The following RIMS2 variants were observed in gnomAD, a reference collection of about 807,000 sequenced individuals.
RIMS2 encodes the protein regulating synaptic membrane exocytosis 2, also known as regulating synaptic membrane exocytosis protein 2.
RIMS2 carries 59 observed loss-of-function variants against 174.4 expected under a neutral mutation model. The ratio of observed to expected loss-of-function variants is 0.34; its 90% confidence interval spans 0.27 to 0.42. The LOEUF is 0.42. Among genes scored for constraint, RIMS2 ranks in the 10% least tolerant of loss-of-function variants. RIMS2 has a pLI of 1.00. For synonymous variants in RIMS2, 606 were observed against 572.5 expected (o/e 1.06, Z -0.84); for missense variants, 1,620 against 1,666.3 (o/e 0.97, Z 0.48).
At chr8:103,824,387 A>G (rs1414019377) in intron 3 of RIMS2, among the ~76,000 whole-genome samples, 1 of 152,180 alleles carries the variant, frequency 6.6e-6, no homozygotes, top group Non-Finnish European at 1.5e-5. Context: ...CTATCCATGT[A>G]TGAATTACTC....
chr8:104,201,743 G>A (rs1381270575), intron 19 of RIMS2, among the ~76,000 whole-genome samples: 1 of 152,074 alleles, frequency 6.6e-6, no homozygotes, highest in East Asian at 1.9e-4. Flanking sequence ...TTTCTTTGGT[G>A]ATTTGAACGA....
chr8:104,164,181 G>T (rs1041172257), intron 19 of RIMS2, among the ~76,000 whole-genome samples: 2 of 42,426 alleles, frequency 4.7e-5, no homozygotes, highest in South Asian at 2.4e-3. Flanking sequence ...TTTTATCCTG[G>T]AATTATCTTT....
intron 15 of RIMS2, among the ~76,000 whole-genome samples, chr8:103,962,467 T>C (rs1296928238): frequency 2.0e-5 from 3 of 152,232 alleles, no homozygotes; most frequent in Admixed American, 6.5e-5. Flanking sequence ...ATTGTTCTTA[T>C]TATTTTGCCA....
chr8:103,600,437 T>G (rs1012250925), intron 1 of RIMS2, among the ~76,000 whole-genome samples: 1 of 152,006 alleles, frequency 6.6e-6, no homozygotes, highest in Non-Finnish European at 1.5e-5. Context: ...GCCTCGCTAA[T>G]TTTTTGTATT....
Position 103,901,355 on chromosome 8 carries a change from C to T in RIMS2, c.1625-8779C>T, listed in dbSNP as rs79817551. ...ACATGCAGCTAAGATGTCCCCATTC[C>T]ATGCCTCAGGTTTCCCTACTTTCAG... On this transcript the variant is annotated intron_variant, in intron 4 of 23. Transcript: ENST00000504942. Among the ~76,000 whole-genome samples, 11 of 152,212 alleles carry T rather than the reference C, an allele frequency of 7.2e-5. 1 individual carries two copies. The East Asian group carries it at 2.1e-3, about 29-fold the overall frequency.
chr8:103,989,962 G>T (rs1300436768), intron 17 of RIMS2, among the ~76,000 whole-genome samples: 4 of 152,194 alleles, frequency 2.6e-5, no homozygotes, highest in African/African-American at 9.6e-5. Flanking sequence ...GCTGTATTTG[G>T]AAGAGCTCTC....
At chr8:103,711,535 G>T (rs1212935109) in intron 2 of RIMS2, among the ~76,000 whole-genome samples, 6 of 152,150 alleles carry the variant, frequency 3.9e-5, no homozygotes, top group Admixed American at 3.9e-4. Context: ...TGCCAAATGG[G>T]TTCTATAGTA....
At chr8:104,042,365 C>A (rs1048025179) in intron 19 of RIMS2, among the ~76,000 whole-genome samples, 1 of 151,454 alleles carries the variant, frequency 6.6e-6, no homozygotes, top group Non-Finnish European at 1.5e-5. Context: ...ACATATAAAG[C>A]AACAGAATAG....
intron 4 of RIMS2, among the ~76,000 whole-genome samples, chr8:103,894,380 G>A (rs1376630536): frequency 6.6e-6 from 1 of 151,496 alleles, no homozygotes; most frequent in Non-Finnish European, 1.5e-5. Context: ...AGAAACCTCC[G>A]TATTTCAAAA....
chr8:103,567,988 C>T (rs1251364551), intron 1 of RIMS2, among the ~76,000 whole-genome samples: 1 of 152,050 alleles, frequency 6.6e-6, no homozygotes, highest in Non-Finnish European at 1.5e-5. Context: ...AAATCCTTGG[C>T]CTGGCATGGT....
intron 1 of RIMS2, among the ~76,000 whole-genome samples, chr8:103,588,257 C>CA (rs1035534804): frequency 6.6e-6 from 1 of 151,496 alleles, no homozygotes; most frequent in African/African-American, 2.4e-5. Context: ...AAGAGGACAC[C>CA]AAAAAATGGA....
At chr8:103,920,543 C>T (rs1448103326) in intron 9 of RIMS2, among the ~76,000 whole-genome samples, 21 of 152,268 alleles carry the variant, frequency 1.4e-4, no homozygotes, top group Admixed American at 6.5e-4. Context: ...GCATACCACT[C>T]TACAGGTTAA....
chr8:104,146,272 C>T (rs1205122543), intron 19 of RIMS2, among the ~76,000 whole-genome samples: 5 of 146,494 alleles, frequency 3.4e-5, no homozygotes, highest in Admixed American at 6.9e-5. Flanking sequence ...ACTTAGGAAG[C>T]TAAAGCAGGA....
intron 19 of RIMS2, among the ~76,000 whole-genome samples, chr8:104,106,912 ATT>A (rs2098080663): frequency 6.6e-6 from 1 of 152,190 alleles, no homozygotes; most frequent in East Asian, 1.9e-4. Context: ...ATGCATGAGT[ATT>A]ATTGTTAGAT....
At chr8:103,567,629 G>A (rs751268899) in intron 1 of RIMS2, among the ~76,000 whole-genome samples, 2 of 152,140 alleles carry the variant, frequency 1.3e-5, no homozygotes, top group Non-Finnish European at 2.9e-5. Flanking sequence ...GAACATTTAT[G>A]TACAAGTTTT....
chr8:103,680,686 T>A (rs571317290), intron 1 of RIMS2, among the ~76,000 whole-genome samples: 22 of 151,990 alleles, frequency 1.4e-4, no homozygotes, highest in Admixed American at 1.3e-3. Context: ...GGAAATCCAA[T>A]CCAGTAAAGG....
chr8:104,104,553 T>C (rs538929582), intron 19 of RIMS2, among the ~76,000 whole-genome samples: 3 of 152,232 alleles, frequency 2.0e-5, no homozygotes, highest in East Asian at 3.9e-4. Context: ...AATCCAAGAA[T>C]TGGAAAATTA....
At chr8:103,748,384 G>T (rs1013726265) in intron 2 of RIMS2, among the ~76,000 whole-genome samples, 3 of 151,996 alleles carry the variant, frequency 2.0e-5, no homozygotes, top group African/African-American at 7.3e-5. Flanking sequence ...AGTTGCGGCT[G>T]CACGAGCCGT....
chr8:103,768,159 A>G (rs986148443), intron 3 of RIMS2: 4 of 345,522 alleles, frequency 1.2e-5, no homozygotes, highest in Non-Finnish European at 2.2e-5. Context: ...TGGTCAAGGT[A>G]TATGAAAAAA....
Sources: gnomAD v4.1 joint callset for allele counts (sites outside exome capture counted in the v4.1 genomes callset) on GRCh38, gnomAD v4.1.1 for gene constraint, MANE v1.5 for transcripts, NCBI Gene and HGNC (gene_info 2026-07-23, HGNC 2026-07-21) for gene names.